The following NAA60 variants were observed in gnomAD, a reference collection of about 807,000 sequenced individuals.
The protein encoded by NAA60 is N-alpha-acetyltransferase 60, NatF catalytic subunit.
A neutral mutation model predicts 26.1 loss-of-function variants in NAA60; 8 were observed. The observed-to-expected ratio is 0.31, with a 90% CI of 0.18 to 0.55. NAA60 has a LOEUF of 0.55. NAA60 is among the 20% of genes least tolerant of loss of function. NAA60 has a pLI of 0.93. For synonymous variants in NAA60, 131 were observed against 122.5 expected, an observed-to-expected ratio of 1.07 and a Z score of -0.46; for missense variants, 290 against 311.3, an observed-to-expected ratio of 0.93 and a Z score of 0.51.
At chr16:3,450,643 T>G (rs946231704) in intron 2 of NAA60, among the ~76,000 whole-genome samples, 38 of 135,266 alleles carry the variant, frequency 2.8e-4, no homozygotes, top group Admixed American at 1.1e-3. Context: ...GAGTTTGCAG[T>G]GAGCCGAGAT....
chr16:3,446,432 G>A (rs917650597), intron 1 of NAA60, among the ~76,000 whole-genome samples: 11 of 151,004 alleles, frequency 7.3e-5, no homozygotes, highest in African/African-American at 2.7e-4. Context: ...TCGGGAGGCT[G>A]AGGCAGGAGA....
intron 2 of NAA60, among the ~76,000 whole-genome samples, chr16:3,452,230 C>T (rs1255218851): frequency 6.6e-6 from 1 of 152,048 alleles, no homozygotes; most frequent in African/African-American, 2.4e-5. Context: ...TTAAAAAAGA[C>T]TAATTCCCTA....
At chr16:3,452,671 G>T (rs1266883364) in intron 2 of NAA60, among the ~76,000 whole-genome samples, 1 of 150,510 alleles carries the variant, frequency 6.6e-6, no homozygotes, top group East Asian at 2.0e-4. Flanking sequence ...AAAAAAGAAT[G>T]CTTGGTTGAG....
At chr16:3,450,042 A>AG (rs1008952633) in intron 2 of NAA60, 25 of 107,654 alleles carry the variant, frequency 2.3e-4, no homozygotes, top group Admixed American at 1.8e-3. Context: ...AAAAAAGAGA[A>AG]AAGAAGAAGA....
chr16:3,443,659 C>T (rs2034432594), upstream of NAA60: 2 of 1,334,096 alleles, frequency 1.5e-6, no homozygotes, highest in East Asian at 2.7e-5. Flanking sequence ...AGTTTTCCTC[C>T]TTTTCTCTAA....
intron 2 of NAA60, among the ~76,000 whole-genome samples, chr16:3,457,502 C>T (rs1355552905): frequency 6.6e-6 from 1 of 152,212 alleles, no homozygotes; most frequent in Non-Finnish European, 1.5e-5. Flanking sequence ...CGGAGGGCAG[C>T]TTAAGTTGCC....
Position 3,471,541 on chromosome 16 carries a change from G to A in NAA60, c.-6-4681G>A, listed in dbSNP as rs116281608. ...TAATAAAAAGATCTGGAACGTTTTC[G>A]TCCCCTCAGGAAGTCATCCCTGCCC... is the stretch of plus-strand genomic sequence containing the variant. On this transcript the variant is annotated intron_variant, in intron 2 of 7. Coordinates refer to ENST00000407558, the MANE Select transcript of NAA60 (RefSeq NM_001083601.3). 2.6e-3 allele frequency among the ~76,000 whole-genome samples: 398 copies of A among 152,082 alleles called. 1 individual carries two copies. Among genetic ancestry groups the A allele is most frequent in the African/African-American group, 8.4e-3 (349 of 41,502 alleles).
At chr16:3,462,735 A>G (rs1057345707) in intron 2 of NAA60, 1 of 152,110 alleles carries the variant, frequency 6.6e-6, no homozygotes, top group Non-Finnish European at 1.5e-5. Flanking sequence ...AGCACAAGAA[A>G]CCACTAATAG....
chr16:3,454,613 A>G lies in NAA60; in HGVS notation c.-7+6073A>G, dbSNP rs151200748. 5.3e-5 allele frequency among the ~76,000 whole-genome samples: 8 copies of G among 152,348 alleles called. No individual in the cohort carries two copies. In the East Asian group the frequency reaches 1.5e-3, roughly 29 times the overall value. ...TAGCCTGTTAGATCAAGTGGAAGAA[A>G]CACTCAAACACAGCAAAAAAAGAGA... On this transcript the variant is annotated intron_variant, in intron 2 of 7. Transcript: ENST00000407558.
chr16:3,469,116 C>T (rs1213306669), intron 2 of NAA60, among the ~76,000 whole-genome samples: 1 of 151,900 alleles, frequency 6.6e-6, no homozygotes, highest in Non-Finnish European at 1.5e-5. Context: ...AAGAGAGTTT[C>T]GCATTCTCCC....
rs1375249492 is a variant in NAA60 at position 3,476,147 on chromosome 16, C to T, written c.-6-75C>T. 6.0e-6 allele frequency: 7 copies of T among 1,159,556 alleles called. No homozygotes were observed. In the South Asian group the frequency reaches 1.0e-4, roughly 17 times the overall value. The allele number at this position is 1,159,556 out of a possible 1,614,324, so 71.8% of individuals were successfully genotyped here. A position where few individuals can be genotyped will look rare whatever the true frequency, so the allele number is the denominator to read the frequency against. ...TGGGACATGCTCCGTGCTCTTCTGT[C>T]TCGCCTGCCTCACAAGCTGAGCATG... On this transcript the variant is annotated intron_variant, in intron 2 of 7. Transcript: ENST00000407558.
At chr16:3,449,404 G>C (rs1469415000) in intron 2 of NAA60, among the ~76,000 whole-genome samples, 1 of 152,162 alleles carries the variant, frequency 6.6e-6, no homozygotes, top group Non-Finnish European at 1.5e-5. Flanking sequence ...TGTAGTCCCA[G>C]CTACTTGGGA....
intron 4 of NAA60, 149 bp from the exon 5 acceptor site, chr16:3,482,353 C>A: frequency 1.5e-6 from 1 of 657,292 alleles, no homozygotes. Context: ...AGTGGGGGCC[C>A]CTCTCCAGTA....
chr16:3,483,054 A>G (rs904765953), intron 5 of NAA60: 1 of 507,480 alleles, frequency 2.0e-6, no homozygotes, highest in African/African-American at 1.9e-5. Flanking sequence ...ACCCAGGCCC[A>G]TCTAGTCCAT....
In NAA60 at chr16:3,485,634, C is replaced by T; in HGVS notation, c.*374C>T. On this transcript the variant is annotated 3_prime_UTR_variant, in exon 8 of 8. Coordinates refer to ENST00000407558, the MANE Select transcript of NAA60 (RefSeq NM_001083601.3). ...CCGCTGCCTGTTCTTGCAGCTCCTT[C>T]CTGGAAAGCTGGAGGGGACTTTCTC... 1 of 456,672 alleles carries T rather than the reference C, an allele frequency of 2.2e-6. No homozygotes were observed. The highest frequency in any genetic ancestry group is 1.5e-5 in the South Asian group (1 of 64,574). 28.3% of individuals were successfully genotyped at this position (456,672 alleles called of 1,614,324 possible). A position where few individuals can be genotyped will look rare whatever the true frequency, so the allele number is the denominator to read the frequency against.
chr16:3,448,256 A>G lies in NAA60; in HGVS notation c.-76-215A>G, dbSNP rs148592313. On this transcript the variant is annotated intron_variant, in intron 1 of 7. Transcript: ENST00000407558. Reference sequence around the variant, plus strand: ...GCCACTGCACTCCAGCTTGGATGACAGAGCAAGACCTTGTCTCAAAAAAAA... The same window carrying G: ...GCCACTGCACTCCAGCTTGGATGACGGAGCAAGACCTTGTCTCAAAAAAAA... 4.1e-3 allele frequency among the ~76,000 whole-genome samples: 590 copies of G among 142,430 alleles called. 7 individuals are homozygous for G. The highest frequency in any genetic ancestry group is 0.015 in the African/African-American group (566 of 37,842). 93.4% of individuals were successfully genotyped at this position (142,430 alleles called of 152,430 possible). A position where few individuals can be genotyped will look rare whatever the true frequency, so the allele number is the denominator to read the frequency against.
rs533758875 is a variant in NAA60 at position 3,469,678 on chromosome 16, C to G, written c.-6-6544C>G. Among the ~76,000 whole-genome samples the G allele has an allele frequency of 2.0e-5, 3 of 152,326 alleles. No homozygotes were observed. In the East Asian group the frequency reaches 5.8e-4, roughly 29 times the overall value. ...GCAGAGAGCACCTGCCTGGCGGGGC[C>G]TGTCTCTGACTTTGCCTTGCTGCTC... On this transcript the variant is annotated intron_variant, in intron 2 of 7. Coordinates refer to ENST00000407558, the MANE Select transcript of NAA60 (RefSeq NM_001083601.3).
chr16:3,485,924 TCAG>T lies in NAA60; in HGVS notation c.*667_*669del. 2 of 339,888 alleles carry T rather than the reference TCAG, an allele frequency of 5.9e-6. No homozygotes were observed. Among genetic ancestry groups the T allele is most frequent in the South Asian group, 4.5e-5 (2 of 44,908 alleles). 21.1% of individuals were successfully genotyped at this position (339,888 alleles called of 1,614,324 possible). A position where few individuals can be genotyped will look rare whatever the true frequency, so the allele number is the denominator to read the frequency against. On this transcript the variant is annotated 3_prime_UTR_variant, in exon 8 of 8. Transcript: ENST00000407558. The stretch of plus-strand genomic sequence containing the variant: ...CACGCATCAGGACGGTTCCTACTCC[TCAG>T]CACCTTCCGTGCAGTTACCAGTGCC...
chr16:3,472,530 T>G (rs540166615), intron 2 of NAA60: 1 of 152,336 alleles, frequency 6.6e-6, no homozygotes, highest in East Asian at 1.9e-4. Flanking sequence ...CCGCCCAAGT[T>G]CAAGCAATTC....
Sources: gnomAD v4.1 joint callset for allele counts (sites outside exome capture counted in the v4.1 genomes callset) on GRCh38, gnomAD v4.1.1 for gene constraint, MANE v1.5 for transcripts, NCBI Gene and HGNC (gene_info 2026-07-23, HGNC 2026-07-21) for gene names.